Variants in PZP observed in about 807,000 individuals in gnomAD.
PZP encodes the protein PZP alpha-2-macroglobulin like.
PZP carries 150 observed loss-of-function variants against 179.8 expected under a neutral mutation model. The ratio of observed to expected loss-of-function variants is 0.83; its 90% CI spans 0.73 to 0.96. The LOEUF (loss-of-function observed/expected upper bound fraction) is 0.96, where lower values mean the gene tolerates loss of function less well. Among genes scored for constraint, PZP ranks in the 40% least tolerant of loss-of-function variants. The pLI is 0.00. For missense variants in PZP, 1,689 were observed against 1,764.0 expected (o/e 0.96, Z 0.76); for synonymous variants, 624 against 652.3 (o/e 0.96, Z 0.66).
rs1171266418 is a variant in PZP, at chr12:9,153,139, A to G, written c.3979T>C (p.Cys1327Arg). Residue 1327 changes from cysteine (C) to arginine (R), a missense_variant, in exon 30 of 36, where the codon TGT becomes CGT. Around this residue, in one of 3 missense-constraint regions of PZP, gnomAD observed 746 missense variants for 749.2 expected, o/e 1.00. Transcript: ENST00000261336. ...TGGAGCCCTACCTGAAGATACACAC[A>G]TCTTTCCCCAGTTACTGTTATGACA... ...EYVITVTGERCVYLQTSMKYN... is the reference protein window; with the variant it reads ...EYVITVTGERRVYLQTSMKYN... 1.2e-6 allele frequency: 2 copies of G among 1,614,112 alleles called. No individual in the cohort carries two copies. The highest frequency in any genetic ancestry group is 1.7e-5 in the Admixed American group (1 of 60,018).
Position 9,158,463 on chromosome 12 carries a change from C to T in PZP, c.3251G>A (p.Gly1084Asp). ...TWLSQMQKDN[G>D]CFRSSGSLLN... The stretch of plus-strand genomic sequence containing the variant: ...CAGTGACCCAGAGCTCCTGAAACAG[C>T]CATTGTCCTTCTGCATCTGGGAGAG... The change falls in exon 26 of 36, where the codon GGC becomes GAC. Residue 1084 changes from glycine (G) to aspartate (D), a missense_variant. Physicochemically the swap from Gly to Asp is moderately conservative, Grantham distance 94. Coordinates refer to ENST00000261336, the MANE Select transcript of PZP (RefSeq NM_002864.3). 1.2e-6 allele frequency: 2 copies of T among 1,614,154 alleles called. No individual in the cohort carries two copies. The highest frequency in any genetic ancestry group is 1.3e-5 in the African/African-American group (1 of 75,028).
intron 7 of PZP, among the ~76,000 whole-genome samples, chr12:9,198,264 T>C (rs1014120848): frequency 6.6e-6 from 1 of 151,834 alleles, no homozygotes; most frequent in African/African-American, 2.4e-5. Context: ...AGGCAGGAGA[T>C]TCACATAAGC....
At chr12:9,176,162 A>G (rs1054191622) in intron 15 of PZP, among the ~76,000 whole-genome samples, 4 of 152,242 alleles carry the variant, frequency 2.6e-5, no homozygotes, top group Non-Finnish European at 4.4e-5. Flanking sequence ...TTGCAGAGAC[A>G]TGGATAGAGC....
intron 15 of PZP, among the ~76,000 whole-genome samples, chr12:9,179,422 C>A (rs2120938882): frequency 6.6e-6 from 1 of 152,204 alleles, no homozygotes; most frequent in South Asian, 2.1e-4. Flanking sequence ...ATAAATAAAT[C>A]ATCACGACAT....
At chr12:9,184,560 C>A (rs1017013846) in intron 13 of PZP, among the ~76,000 whole-genome samples, 4 of 152,234 alleles carry the variant, frequency 2.6e-5, no homozygotes, top group Non-Finnish European at 5.9e-5. Context: ...AGCTGATGAG[C>A]GTGTACCCCA....
At chr12:9,193,545 T>G (rs1211219712) in intron 11 of PZP, among the ~76,000 whole-genome samples, 2 of 152,208 alleles carry the variant, frequency 1.3e-5, no homozygotes, top group African/African-American at 4.8e-5. Context: ...CATCATTACA[T>G]GTTTTTAAAC....
At chr12:9,142,981 A>C in the PZP span, among the ~76,000 whole-genome samples, 3 of 152,256 alleles carry the variant, frequency 2.0e-5, no homozygotes, top group Non-Finnish European at 1.5e-5. Context: ...AAAGTAATTC[A>C]GTTGACTGGG....
chr12:9,207,472 C>T (rs1944494469), intron 1 of PZP, among the ~76,000 whole-genome samples: 1 of 152,118 alleles, frequency 6.6e-6, no homozygotes, highest in African/African-American at 2.4e-5. Flanking sequence ...AAACAATAGC[C>T]ATAGTATTTG....
At chr12:9,195,019 T>A (rs1245127363) in intron 10 of PZP, among the ~76,000 whole-genome samples, 1 of 152,098 alleles carries the variant, frequency 6.6e-6, no homozygotes, top group Admixed American at 6.5e-5. Flanking sequence ...TATTTAAAAA[T>A]ACATTAGAGG....
At chr12:9,172,071 C>T (rs1464009132) in intron 15 of PZP, among the ~76,000 whole-genome samples, 1 of 152,014 alleles carries the variant, frequency 6.6e-6, no homozygotes, top group Non-Finnish European at 1.5e-5. Flanking sequence ...TGAAAGAAAC[C>T]ATGTTAAGGA....
rs150518803 is a variant in PZP, at chr12:9,166,059, C to T, written c.2251G>A (p.Ala751Thr). The T allele has an allele frequency of 5.6e-6, 9 of 1,605,586 alleles. No individual in the cohort carries two copies. In the African/African-American group the frequency reaches 1.1e-4, roughly 19 times the overall value. The change falls in exon 18 of 36, where the codon GCA becomes ACA. Residue 751 changes from alanine to threonine, a missense_variant. By Grantham distance (58) the Ala-to-Thr change is moderately conservative. Coordinates refer to ENST00000261336, the MANE Select transcript of PZP (RefSeq NM_002864.3). ...FPETWIWELV[A>T]VNSSGVAEVG... ...GAAAGTAAAGTTACTTACTTCACTG[C>T]CACCAACTCCCAGATCCAAGTCTCA... is the stretch of plus-strand genomic sequence containing the variant.
Position 9,153,114 on chromosome 12 carries a change from T to G in PZP, c.3993+11A>C. On this transcript the variant is annotated intron_variant, in intron 30 of 35. Coordinates refer to ENST00000261336, the MANE Select transcript of PZP (RefSeq NM_002864.3). ...AAGTTGACTCTCACCCATATAAGCT[T>G]GGAGCCCTACCTGAAGATACACACA... The G allele has an allele frequency of 6.2e-7, 1 of 1,613,638 alleles. No homozygotes were observed. Among genetic ancestry groups the G allele is most frequent in the Non-Finnish European group, 8.5e-7 (1 of 1,179,532 alleles).
At chr12:9,178,670 G>A (rs112289386) in intron 15 of PZP, among the ~76,000 whole-genome samples, 7 of 152,316 alleles carry the variant, frequency 4.6e-5, no homozygotes, top group Middle Eastern at 3.4e-3. Flanking sequence ...GCTACAGCAC[G>A]CGATAAGTGC....
At position 9,158,554 on chromosome 12, in the gene PZP, T is replaced by A; in HGVS notation, c.3160A>T (p.Thr1054Ser). ...NTWLTAFVLK[T>S]FAQARSYIFI... The stretch of plus-strand genomic sequence containing the variant: ...ATGTAGGATCGAGCCTGGGCGAAAG[T>A]CTTCAGTACAAAAGCTGTGAGCCTA... Residue 1054 changes from threonine (T) to serine (S), a missense_variant, in exon 26 of 36, where the codon ACT becomes TCT. Transcript: ENST00000261336. The A allele has an allele frequency of 6.2e-7, 1 of 1,614,098 alleles. No homozygotes were observed. Among genetic ancestry groups the A allele is most frequent in the Non-Finnish European group, 8.5e-7 (1 of 1,180,008 alleles).
chr12:9,158,399 G>A (rs748134622), intron 26 of PZP, 21 bp downstream of exon 26: 3 of 1,613,554 alleles, frequency 1.9e-6, no homozygotes, highest in Non-Finnish European at 2.5e-6. Flanking sequence ...GTCAGGCTCA[G>A]AAGTTTGTGG....
intron 29 of PZP, among the ~76,000 whole-genome samples, chr12:9,153,615 G>A (rs1332994990): frequency 2.6e-5 from 4 of 152,100 alleles, no homozygotes; most frequent in Non-Finnish European, 4.4e-5. Flanking sequence ...CAAAGAATAG[G>A]TCTAAAACTA....
At chr12:9,156,292 A>G (rs1487077427) in intron 28 of PZP, 1 of 212,898 alleles carries the variant, frequency 4.7e-6, no homozygotes, top group Non-Finnish European at 1.0e-5. Flanking sequence ...CATCTCCACC[A>G]ATAAGCGAGT....
At chr12:9,147,920 G>GT (rs796255375), downstream of PZP, among the ~76,000 whole-genome samples, 324 of 149,046 alleles carry the variant, frequency 2.2e-3, no homozygotes, top group African/African-American at 7.0e-3. Context: ...GAGGTGACCA[G>GT]TTTTTTTTTT....
chr12:9,169,391 C>A, intron 16 of PZP, 39 bp downstream of exon 16: 1 of 1,507,458 alleles, frequency 6.6e-7, no homozygotes, highest in Non-Finnish European at 9.0e-7. Context: ...CATTCAAAAA[C>A]TCACAAGCCA....
Sources: gnomAD v4.1 joint callset for allele counts (sites outside exome capture counted in the v4.1 genomes callset) on GRCh38, gnomAD v4.1.1 for gene constraint, gnomAD v4.1.1 regional missense constraint, MANE v1.5 for transcripts, NCBI Gene and HGNC (gene_info 2026-07-23, HGNC 2026-07-21) for gene names.